USP6NL: variants seen among roughly 807,000 people sequenced by gnomAD.
USP6NL encodes the protein USP6 N-terminal like.
Under a neutral mutation model 61.9 loss-of-function variants are expected in USP6NL, and 26 were observed. That is an observed-to-expected ratio of 0.42 (90% CI 0.31 to 0.58). The LOEUF (loss-of-function observed/expected upper bound fraction) is 0.58. Ranked by LOEUF, USP6NL falls within the 20% of genes least tolerant of loss-of-function variation. The pLI, the probability that USP6NL is intolerant of heterozygous loss-of-function variation, is 0.16. For synonymous variants in USP6NL, 432 were observed against 390.1 expected, an observed-to-expected ratio of 1.11 and a Z score of -1.27; for missense variants, 1,114 against 1,034.3, an observed-to-expected ratio of 1.08 and a Z score of -1.06.
rs1380770450 is a variant in USP6NL, at chr10:11,553,294, G to A, written c.5-25727C>T. On this transcript the variant is annotated intron_variant, in intron 2 of 14. Transcript: ENST00000609104. This position sits in a 1 kb window ranked among gnomAD's most constrained non-coding sequence, Gnocchi z 4.8. ...ATTGGGATCATTTGGCAGGCATGTC[G>A]CAAGTAACTTGCCAATAATGACAAT... 1.3e-5 allele frequency among the ~76,000 whole-genome samples: 2 copies of A among 152,126 alleles called. No individual in the cohort carries two copies. Among genetic ancestry groups the A allele is most frequent in the East Asian group, 1.9e-4 (1 of 5,192 alleles).
At position 11,463,572 on chromosome 10, in the gene USP6NL, T is replaced by A; in HGVS notation, c.1356A>T (p.Lys452Asn). ...KLKDEADFQR[K>N]LPSGPQDSSR... ...AACTGTCCTGTGGACCCGATGGGAG[T>A]TTTCTTTGAAAATCTGCCTCATCTT... The change falls in exon 15 of 15, where the codon AAA (lysine) becomes AAT (asparagine). Residue 452 changes from lysine (K) to asparagine (N), a missense_variant. By Grantham distance (94) the Lys-to-Asn change is moderately conservative. Transcript: ENST00000609104. The surrounding 1 kb of genome is among the most constrained non-coding windows in gnomAD (Gnocchi z 6.3). 6.2e-7 allele frequency: 1 copy of A among 1,613,306 alleles called. No individual in the cohort carries two copies.
At chr10:11,599,950 T>C (rs118174642) in intron 1 of USP6NL, among the ~76,000 whole-genome samples, 3,267 of 152,166 alleles carry the variant, frequency 0.021, 53 homozygotes, top group Non-Finnish European at 0.036. Context: ...CGAGGCACCA[T>C]GCCCAGCCCC....
At position 11,468,522 on chromosome 10, in the gene USP6NL, G is replaced by A. The variant is rs1167113495; in HGVS notation, c.1079-4673C>T. Among the ~76,000 whole-genome samples the A allele has an allele frequency of 6.6e-6, 1 of 152,198 alleles. No homozygotes were observed. The highest frequency in any genetic ancestry group is 6.5e-5 in the Admixed American group (1 of 15,274). ...CCCCTAGTTCTCATTCAAATACACA[G>A]AGGCCCTTGGCTGGCGTTAGTTACA... On this transcript the variant is annotated intron_variant, in intron 14 of 14. Transcript: ENST00000609104. This position sits in a 1 kb window ranked among gnomAD's most constrained non-coding sequence, Gnocchi z 4.5.
At position 11,462,024 on chromosome 10, in the gene USP6NL, T is replaced by G. The variant is rs1426376610; in HGVS notation, c.*417A>C. 6.3e-6 allele frequency: 1 copy of G among 159,980 alleles called. No homozygotes were observed. 9.9% of individuals were successfully genotyped at this position (159,980 alleles called of 1,614,324 possible). On this transcript the variant is annotated 3_prime_UTR_variant, in exon 15 of 15. Transcript: ENST00000609104. Reference sequence around the variant, plus strand: ...TCAAATGTGGATGAACAGATGCCTATATCTATTAAAAGACACATACACTAC... The same window carrying G: ...TCAAATGTGGATGAACAGATGCCTAGATCTATTAAAAGACACATACACTAC...
intron 2 of USP6NL, among the ~76,000 whole-genome samples, chr10:11,557,657 G>A (rs924362603): frequency 3.3e-5 from 5 of 152,186 alleles, no homozygotes; most frequent in Admixed American, 6.5e-5. Flanking sequence ...TTGATGACAC[G>A]AAAGAACAAG....
rs779869414 is a variant in USP6NL, at chr10:11,463,269, G to C, written c.1659C>G (p.Asn553Lys). The C allele has an allele frequency of 6.2e-7, 1 of 1,613,784 alleles. No individual in the cohort carries two copies. The highest frequency in any genetic ancestry group is 2.2e-5 in the East Asian group (1 of 44,872). ...KRGSTASQYDNVPGPELDSGA... is the reference protein window; with the variant it reads ...KRGSTASQYDKVPGPELDSGA... Reference sequence around the variant, plus strand: ...CGCTGTCCAGCTCCGGGCCTGGCACGTTGTCGTACTGCGATGCAGTGGAGC... The same window carrying C: ...CGCTGTCCAGCTCCGGGCCTGGCACCTTGTCGTACTGCGATGCAGTGGAGC... The change falls in exon 15 of 15, where the codon AAC becomes AAG. Residue 553 changes from asparagine to lysine, a missense_variant. Physicochemically the swap from Asn to Lys is moderately conservative, Grantham distance 94. Transcript: ENST00000609104. The surrounding 1 kb of genome is among the most constrained non-coding windows in gnomAD (Gnocchi z 6.3).
At chr10:11,531,061 T>C (rs1211097864) in intron 2 of USP6NL, among the ~76,000 whole-genome samples, 2 of 152,226 alleles carry the variant, frequency 1.3e-5, no homozygotes, top group Non-Finnish European at 2.9e-5. Context: ...TTGGTACTTA[T>C]GTCACATCAT....
chr10:11,464,667 G>C (rs1278077064), intron 14 of USP6NL, among the ~76,000 whole-genome samples: 2 of 152,218 alleles, frequency 1.3e-5, no homozygotes. Context: ...AACTGTGAAA[G>C]AGCAAGCAGC....
chr10:11,544,035 T>C (rs1013662826), intron 2 of USP6NL, among the ~76,000 whole-genome samples: 1 of 151,906 alleles, frequency 6.6e-6, no homozygotes, highest in African/African-American at 2.4e-5. Flanking sequence ...GTGGTCTCGA[T>C]CTCCTGACCT....
chr10:11,530,803 G>A (rs908427278), intron 2 of USP6NL, among the ~76,000 whole-genome samples: 1 of 152,192 alleles, frequency 6.6e-6, no homozygotes, highest in Non-Finnish European at 1.5e-5. Context: ...ACAGTAAGAA[G>A]CAGGAGCCTT....
At chr10:11,536,009 A>G (rs1162048317) in intron 2 of USP6NL, among the ~76,000 whole-genome samples, 2 of 152,256 alleles carry the variant, frequency 1.3e-5, no homozygotes, top group Non-Finnish European at 2.9e-5. Context: ...TGAGCAGTGA[A>G]GCAGATTAAC....
intron 2 of USP6NL, among the ~76,000 whole-genome samples, chr10:11,580,102 G>C (rs1302999481): frequency 6.7e-6 from 1 of 148,420 alleles, no homozygotes. Flanking sequence ...GAATTATCTA[G>C]CCCCAAAAGT....
intron 1 of USP6NL, among the ~76,000 whole-genome samples, chr10:11,603,703 C>T (rs1838624686): frequency 6.6e-6 from 1 of 152,174 alleles, no homozygotes; most frequent in South Asian, 2.1e-4. Flanking sequence ...GCAAAAACTG[C>T]TCAAGGGCCT....
chr10:11,484,949 A>C, intron 13 of USP6NL, 22 bp downstream of exon 13: 1 of 1,487,516 alleles, frequency 6.7e-7, no homozygotes, highest in South Asian at 1.3e-5. Flanking sequence ...ATGAAATTTT[A>C]AGAGTTTAAG....
chr10:11,540,504 C>G lies in USP6NL; in HGVS notation c.5-12937G>C, dbSNP rs1836007625. On this transcript the variant is annotated intron_variant, in intron 2 of 14. Coordinates refer to ENST00000609104, the MANE Select transcript of USP6NL (RefSeq NM_014688.5). The surrounding 1 kb of genome is among the most constrained non-coding windows in gnomAD (Gnocchi z 5.0). ...TTCATTCACTTAGTTTTAAGAACTT[C>G]TTTCCCAGCTCATTCAGAATTGCAA... Among the ~76,000 whole-genome samples, 1 of 152,194 alleles carries G rather than the reference C, an allele frequency of 6.6e-6. No homozygotes were observed. Among genetic ancestry groups the G allele is most frequent in the Non-Finnish European group, 1.5e-5 (1 of 68,020 alleles).
chr10:11,570,460 C>A (rs535332993), intron 2 of USP6NL, among the ~76,000 whole-genome samples: 2 of 152,234 alleles, frequency 1.3e-5, no homozygotes, highest in South Asian at 2.1e-4. Context: ...ACAAGAGAGA[C>A]CTTCAAGGCC....
At chr10:11,501,245 GA>G in intron 6 of USP6NL, 37 bp from the exon 7 acceptor site, 1 of 1,519,510 alleles carries the variant, frequency 6.6e-7, no homozygotes. Context: ...GTTACAAACT[GA>G]AAAAAACTTA....
chr10:11,502,766 A>T (rs182513232), intron 6 of USP6NL, among the ~76,000 whole-genome samples: 1 of 152,350 alleles, frequency 6.6e-6, no homozygotes, highest in Admixed American at 6.5e-5. Flanking sequence ...AACAGTGAAT[A>T]CTGTAAGGTT....
intron 2 of USP6NL, among the ~76,000 whole-genome samples, chr10:11,547,917 A>T (rs1836344905): frequency 6.6e-6 from 1 of 152,220 alleles, no homozygotes; most frequent in African/African-American, 2.4e-5. Flanking sequence ...CTGGATTTTT[A>T]AAAAGTTAAA....
Sources: allele counts gnomAD v4.1 joint callset (sites outside exome capture counted in the v4.1 genomes callset), GRCh38; gene constraint gnomAD v4.1.1; non-coding constraint Gnocchi (gnomAD v3.1); transcripts MANE v1.5; gene names NCBI Gene and HGNC (gene_info 2026-07-23, HGNC 2026-07-21).